Variants in STXBP5L observed in about 807,000 individuals in gnomAD.
STXBP5L encodes syntaxin binding protein 5L.
In STXBP5L, 65 loss-of-function variants were observed where a neutral mutation model predicts 144.5. The observed-to-expected ratio is 0.45, with a 90% CI of 0.37 to 0.55. The LOEUF is 0.55. Ranked by LOEUF, STXBP5L falls within the 20% of genes least tolerant of loss-of-function variation. STXBP5L has a pLI of 0.00. For missense variants in STXBP5L, 1,298 were observed against 1,405.5 expected (o/e 0.92, Z 1.22); for synonymous variants, 505 against 469.6 (o/e 1.08, Z -0.97).
intron 5 of STXBP5L, among the ~76,000 whole-genome samples, chr3:121,108,469 A>T (rs1388784024): frequency 6.6e-6 from 1 of 152,154 alleles, no homozygotes; most frequent in East Asian, 1.9e-4. Context: ...TATTAAGATA[A>T]TCCTGTGGTT....
At chr3:120,958,275 C>G (rs558393350) in intron 3 of STXBP5L, among the ~76,000 whole-genome samples, 2 of 151,970 alleles carry the variant, frequency 1.3e-5, no homozygotes, top group Admixed American at 1.3e-4. Context: ...AATAGCTTAC[C>G]AACCAAAAAA....
rs924836274 is a variant in STXBP5L at position 121,146,229 on chromosome 3, A to T, written c.670-6248A>T. Among the ~76,000 whole-genome samples the T allele has an allele frequency of 3.9e-5, 6 of 152,098 alleles. No individual in the cohort carries two copies. In the South Asian group the frequency reaches 1.2e-3, roughly 32 times the overall value. ...ATATAGCTATACAGATATATATCCT[A>T]TTGATTCTGTTTCTCTGGAGAACCC... On this transcript the variant is annotated intron_variant, in intron 7 of 26. Transcript: ENST00000471454.
chr3:121,097,094 C>G (rs549655761), intron 5 of STXBP5L, among the ~76,000 whole-genome samples: 1 of 152,298 alleles, frequency 6.6e-6, no homozygotes, highest in Admixed American at 6.5e-5. Flanking sequence ...TCAGCTCTGC[C>G]CAGTTCAAAC....
At position 121,114,945 on chromosome 3, in the gene STXBP5L, C is replaced by T; in HGVS notation, c.491C>T (p.Pro164Leu). 1.3e-6 allele frequency: 2 copies of T among 1,561,774 alleles called. No homozygotes were observed. The highest frequency in any genetic ancestry group is 1.7e-6 in the Non-Finnish European group (2 of 1,156,944). The change falls in exon 6 of 27, where the codon CCT becomes CTT. Residue 164 changes from proline (P) to leucine (L), a missense_variant. Transcript: ENST00000471454. ...TTCAGAATTACTTACTGTCATCTAC[C>T]TTTCCAGAGTAAATGGCTTTATGTT... is the stretch of plus-strand genomic sequence containing the variant. Reference protein sequence around the residue: ...NRERITYCHLPFQSKWLYVGT... With the variant: ...NRERITYCHLLFQSKWLYVGT...
At chr3:121,044,787 A>G (rs1056617666) in intron 4 of STXBP5L, among the ~76,000 whole-genome samples, 2 of 152,182 alleles carry the variant, frequency 1.3e-5, no homozygotes, top group Non-Finnish European at 2.9e-5. Context: ...ATCCTATTGT[A>G]TGCGAAATAG....
intron 3 of STXBP5L, among the ~76,000 whole-genome samples, chr3:120,995,637 T>A (rs1388933453): frequency 6.6e-6 from 1 of 152,122 alleles, no homozygotes; most frequent in African/African-American, 2.4e-5. Context: ...TATCAACATT[T>A]TTTTTTACTC....
At chr3:121,132,113 C>T (rs1481905606) in intron 7 of STXBP5L, among the ~76,000 whole-genome samples, 1 of 152,196 alleles carries the variant, frequency 6.6e-6, no homozygotes, top group Non-Finnish European at 1.5e-5. Flanking sequence ...GGAGCACTGA[C>T]AGCTCTGAAA....
intron 10 of STXBP5L, among the ~76,000 whole-genome samples, chr3:121,213,056 G>T (rs2048639514): frequency 6.6e-6 from 1 of 152,084 alleles, no homozygotes; most frequent in African/African-American, 2.4e-5. Flanking sequence ...TTGCAAATTA[G>T]TTTTGTATCC....
intron 10 of STXBP5L, among the ~76,000 whole-genome samples, chr3:121,208,925 C>G (rs2108244437): frequency 6.6e-6 from 1 of 152,104 alleles, no homozygotes; most frequent in Non-Finnish European, 1.5e-5. Context: ...CCAACCCCCA[C>G]AACCCCCAAC....
intron 2 of STXBP5L, among the ~76,000 whole-genome samples, chr3:120,934,589 G>C (rs960576561): frequency 9.2e-5 from 14 of 151,762 alleles, no homozygotes; most frequent in Non-Finnish European, 2.9e-5. Flanking sequence ...TTGAGAGAGG[G>C]GTGAAGTCTC....
At chr3:121,013,821 G>A (rs776965586) in intron 3 of STXBP5L, among the ~76,000 whole-genome samples, 1 of 151,918 alleles carries the variant, frequency 6.6e-6, no homozygotes, top group South Asian at 2.1e-4. Context: ...CTTTTTTATG[G>A]TGAGAAGTAG....
At chr3:121,137,688 C>A (rs1196618575) in intron 7 of STXBP5L, among the ~76,000 whole-genome samples, 1 of 152,036 alleles carries the variant, frequency 6.6e-6, no homozygotes, top group Non-Finnish European at 1.5e-5. Context: ...ACCATATGGT[C>A]ATTTTAATAC....
intron 20 of STXBP5L, among the ~76,000 whole-genome samples, chr3:121,365,044 A>G (rs1175363363): frequency 6.6e-6 from 1 of 151,746 alleles, no homozygotes; most frequent in Non-Finnish European, 1.5e-5. Context: ...ATTAATTTGT[A>G]ACCTTAATAT....
intron 22 of STXBP5L, among the ~76,000 whole-genome samples, chr3:121,402,416 A>C (rs560919614): frequency 6.6e-6 from 1 of 152,164 alleles, no homozygotes; most frequent in African/African-American, 2.4e-5. Context: ...CCTCACTGGA[A>C]CCTTAATCTA....
chr3:121,313,490 C>T (rs1347791540), intron 19 of STXBP5L, among the ~76,000 whole-genome samples: 1 of 70,040 alleles, frequency 1.4e-5, no homozygotes, highest in East Asian at 4.7e-4. Context: ...GGCAGAGGGG[C>T]TCCTCACTTC....
intron 20 of STXBP5L, among the ~76,000 whole-genome samples, chr3:121,329,283 C>A (rs1241029953): frequency 1.3e-5 from 2 of 152,080 alleles, no homozygotes; most frequent in Non-Finnish European, 2.9e-5. Context: ...TCAGTATAAC[C>A]TGCAATTCTT....
rs540315221 is a variant in STXBP5L at position 121,419,860 on chromosome 3, G to T, written c.*763G>T. 3 of 152,156 alleles carry T rather than the reference G, an allele frequency of 2.0e-5. No individual in the cohort carries two copies. Among genetic ancestry groups the T allele is most frequent in the Non-Finnish European group, 2.9e-5 (2 of 68,048 alleles). 9.4% of individuals were successfully genotyped at this position (152,156 alleles called of 1,614,324 possible). A position where few individuals can be genotyped will look rare whatever the true frequency, so the allele number is the denominator to read the frequency against. Reference sequence around the variant, plus strand: ...GCTGTTTTTAGCACAAACCATGCAGGGTTGGGTCACCTCAAAGCATTTTCT... The same window carrying T: ...GCTGTTTTTAGCACAAACCATGCAGTGTTGGGTCACCTCAAAGCATTTTCT... On this transcript the variant is annotated 3_prime_UTR_variant, in exon 27 of 27. Transcript: ENST00000471454.
intron 5 of STXBP5L, among the ~76,000 whole-genome samples, chr3:121,080,057 C>T (rs1368884588): frequency 6.6e-6 from 1 of 152,112 alleles, no homozygotes; most frequent in East Asian, 1.9e-4. Context: ...TTAGACTAAT[C>T]CTTTTATCAT....
intron 19 of STXBP5L, among the ~76,000 whole-genome samples, chr3:121,302,172 G>T (rs577783521): frequency 3.3e-5 from 5 of 152,098 alleles, no homozygotes; most frequent in Non-Finnish European, 7.3e-5. Flanking sequence ...AATACATCTG[G>T]TCCTGGACTT....
Sources: gnomAD v4.1 joint callset for allele counts (sites outside exome capture counted in the v4.1 genomes callset) on GRCh38, gnomAD v4.1.1 for gene constraint, MANE v1.5 for transcripts, NCBI Gene and HGNC (gene_info 2026-07-23, HGNC 2026-07-21) for gene names.